The following ACOX3 variants were observed in gnomAD, a reference collection of about 807,000 sequenced individuals.
The protein encoded by ACOX3 is peroxisomal acyl-coenzyme A oxidase 3.
ACOX3 carries 73 observed loss-of-function variants against 81.5 expected under a neutral mutation model. The observed-to-expected ratio is 0.90, with a 90% confidence interval of 0.74 to 1.09. ACOX3 has a LOEUF of 1.09. Among genes scored for constraint, ACOX3 ranks in the 50% least tolerant of loss-of-function variants. ACOX3 has a pLI of 0.00. For missense variants in ACOX3, 947 were observed against 928.0 expected (o/e 1.02, Z -0.27); for synonymous variants, 387 against 375.1 (o/e 1.03, Z -0.37).
rs754651480 is a variant in ACOX3, at chr4:8,375,021, G to A, written c.1785C>T (p.Tyr595=). 23 of 1,554,370 alleles carry A rather than the reference G, an allele frequency of 1.5e-5. No homozygotes were observed. The Admixed American group carries it at 3.5e-4, about 24-fold the overall frequency. ...CGTGGCGGCTCAGGGACCACAGGGC[G>A]TACAGAGCACTGAGCCGCCCCAGCA... The part of the protein sequence containing the change: ...RAVLGRLSAL[Y]ALWSLSRHAA... Residue 595 remains tyrosine, a synonymous_variant, in exon 15 of 18, where the codon TAC becomes TAT. Coordinates refer to ENST00000356406, the MANE Select transcript of ACOX3 (RefSeq NM_003501.3).
At chr4:8,397,758 G>A (rs1245557716) in intron 8 of ACOX3, among the ~76,000 whole-genome samples, 1 of 152,208 alleles carries the variant, frequency 6.6e-6, no homozygotes, top group African/African-American at 2.4e-5. Context: ...CTGCCCCATC[G>A]GGCCACTCCT....
At chr4:8,427,546 G>C (rs1341519424) in intron 1 of ACOX3, among the ~76,000 whole-genome samples, 2 of 152,214 alleles carry the variant, frequency 1.3e-5, no homozygotes, top group Non-Finnish European at 2.9e-5. Flanking sequence ...TTCCCGCACA[G>C]CTAAGTGCCT....
chr4:8,371,454 C>T (rs993951566), intron 16 of ACOX3, among the ~76,000 whole-genome samples: 1 of 152,216 alleles, frequency 6.6e-6, no homozygotes, highest in African/African-American at 2.4e-5. Flanking sequence ...TTATTACTCT[C>T]CCATTCCACT....
intron 1 of ACOX3, chr4:8,439,274 C>T (rs1001437472): frequency 6.6e-6 from 1 of 152,152 alleles, no homozygotes; most frequent in Non-Finnish European, 1.5e-5. Context: ...AACCCAGACC[C>T]GTCCAGCCCA....
chr4:8,417,465 A>G (rs538648155), intron 1 of ACOX3, among the ~76,000 whole-genome samples: 7 of 152,146 alleles, frequency 4.6e-5, no homozygotes, highest in Admixed American at 2.0e-4. Context: ...TCACCCTCCA[A>G]CAGCTGTGAG....
At chr4:8,363,387 A>C (rs1166246755), downstream of ACOX3, among the ~76,000 whole-genome samples, 1 of 152,178 alleles carries the variant, frequency 6.6e-6, no homozygotes, top group Non-Finnish European at 1.5e-5. Flanking sequence ...TTTTGTGAGA[A>C]CTCAAGAGTT....
At chr4:8,383,965 T>C (rs1193538602) in intron 13 of ACOX3, among the ~76,000 whole-genome samples, 1 of 152,216 alleles carries the variant, frequency 6.6e-6, no homozygotes, top group Non-Finnish European at 1.5e-5. Flanking sequence ...AAATTCCTTC[T>C]GACCACACCA....
chr4:8,378,261 T>G (rs544592829), intron 14 of ACOX3, among the ~76,000 whole-genome samples: 4 of 152,354 alleles, frequency 2.6e-5, no homozygotes, highest in Non-Finnish European at 5.9e-5. Context: ...CTGTGACAGC[T>G]GGCCCGGGTG....
rs760762357 is a variant in ACOX3, at chr4:8,440,672, T to C, written c.-39A>G. On this transcript the variant is annotated 5_prime_UTR_variant, in exon 1 of 18. Coordinates refer to ENST00000356406, the MANE Select transcript of ACOX3 (RefSeq NM_003501.3). ...CCCACACACTCCACAGTTCAACCCCTGCCAGGGAAACCAAAAGCAGGAAAG... is the reference window on the plus strand; with the variant it reads ...CCCACACACTCCACAGTTCAACCCCCGCCAGGGAAACCAAAAGCAGGAAAG... The C allele has an allele frequency of 1.3e-5, 13 of 1,019,106 alleles. No homozygotes were observed. The highest frequency in any genetic ancestry group is 1.7e-5 in the Non-Finnish European group (13 of 743,130). The allele number at this position is 1,019,106 out of a possible 1,614,324, so 63.1% of individuals were successfully genotyped here.
intron 13 of ACOX3, among the ~76,000 whole-genome samples, chr4:8,388,517 C>T (rs190088879): frequency 2.0e-5 from 3 of 152,364 alleles, no homozygotes; most frequent in Non-Finnish European, 2.9e-5. Flanking sequence ...CACGGCCAGG[C>T]GCCTCATTCC....
rs1717825889 is a variant in ACOX3 at position 8,382,721 on chromosome 4, A to C, written c.1538-1114T>G. On this transcript the variant is annotated intron_variant, in intron 13 of 17. Transcript: ENST00000356406. This position sits in a 1 kb window ranked among gnomAD's most constrained non-coding sequence, Gnocchi z 4.1. ...GAAAATACCCAACGTTGCTGGGCGC[A>C]GTGGCTCACACCTGTAATCCCAGCA... Among the ~76,000 whole-genome samples, 1 of 152,112 alleles carries C rather than the reference A, an allele frequency of 6.6e-6. No homozygotes were observed. Among genetic ancestry groups the C allele is most frequent in the Non-Finnish European group, 1.5e-5 (1 of 68,004 alleles).
chr4:8,361,458 G>A (rs1487434764), downstream of ACOX3, among the ~76,000 whole-genome samples: 23 of 82,586 alleles, frequency 2.8e-4, no homozygotes, highest in South Asian at 6.8e-4. Context: ...AAAAAAAAAA[G>A]GATTGTTTTA....
Position 8,384,878 on chromosome 4 carries a change from G to C in ACOX3, c.1538-3271C>G, listed in dbSNP as rs1428180344. ...CCGCTCTGGTGCTCCTGAATGGCCGGTGCTCCCCAAAAGCACAACGCACGG... is the reference window on the plus strand; with the variant it reads ...CCGCTCTGGTGCTCCTGAATGGCCGCTGCTCCCCAAAAGCACAACGCACGG... On this transcript the variant is annotated intron_variant, in intron 13 of 17. Coordinates refer to ENST00000356406, the MANE Select transcript of ACOX3 (RefSeq NM_003501.3). This position sits in a 1 kb window ranked among gnomAD's most constrained non-coding sequence, Gnocchi z 5.3. Among the ~76,000 whole-genome samples, 1 of 152,198 alleles carries C rather than the reference G, an allele frequency of 6.6e-6. No individual in the cohort carries two copies. Among genetic ancestry groups the C allele is most frequent in the Non-Finnish European group, 1.5e-5 (1 of 68,024 alleles).
At chr4:8,358,811 TATC>T in the ACOX3 span, among the ~76,000 whole-genome samples, 1 of 152,214 alleles carries the variant, frequency 6.6e-6, no homozygotes, top group Non-Finnish European at 1.5e-5. Flanking sequence ...CTGATTAGCA[TATC>T]ATCAAGAAAT....
At chr4:8,365,371 A>T (rs931014485), downstream of ACOX3, among the ~76,000 whole-genome samples, 1 of 152,236 alleles carries the variant, frequency 6.6e-6, no homozygotes, top group Non-Finnish European at 1.5e-5. Context: ...GTTTGTTTAA[A>T]CCCAAGGAAG....
At chr4:8,388,651 A>T (rs916534991) in intron 13 of ACOX3, among the ~76,000 whole-genome samples, 9 of 152,148 alleles carry the variant, frequency 5.9e-5, no homozygotes, top group Middle Eastern at 6.8e-3. Flanking sequence ...CCCTGGGAGG[A>T]CGCCCCACCC....
rs1718284090 is a variant in ACOX3 at position 8,386,308 on chromosome 4, T to C, written c.1537+2865A>G. Among the ~76,000 whole-genome samples, 1 of 152,162 alleles carries C rather than the reference T, an allele frequency of 6.6e-6. No individual in the cohort carries two copies. The highest frequency in any genetic ancestry group is 1.5e-5 in the Non-Finnish European group (1 of 68,026). On this transcript the variant is annotated intron_variant, in intron 13 of 17. Coordinates refer to ENST00000356406, the MANE Select transcript of ACOX3 (RefSeq NM_003501.3). This position sits in a 1 kb window ranked among gnomAD's most constrained non-coding sequence, Gnocchi z 5.2. ...GCGGCCGGGCGTGGTGGCTCATGCCTGTGATCCCAGCACTTCGGGAGGCCA... is the reference window on the plus strand; with the variant it reads ...GCGGCCGGGCGTGGTGGCTCATGCCCGTGATCCCAGCACTTCGGGAGGCCA...
At position 8,433,105 on chromosome 4, in the gene ACOX3, G is replaced by T. The variant is rs138463421; in HGVS notation, c.-15+7543C>A. The stretch of plus-strand genomic sequence containing the variant: ...GGGTCAGATCCTTGACCTAAGCCTG[G>T]ATATCTCCAGCTTTCTCCCTGCTCC... On this transcript the variant is annotated intron_variant, in intron 1 of 17. Coordinates refer to ENST00000356406, the MANE Select transcript of ACOX3 (RefSeq NM_003501.3). 3.4e-4 allele frequency among the ~76,000 whole-genome samples: 52 copies of T among 152,334 alleles called. 1 individual carries two copies. Among genetic ancestry groups the T allele is most frequent in the African/African-American group, 1.1e-3 (47 of 41,566 alleles).
intron 13 of ACOX3, among the ~76,000 whole-genome samples, chr4:8,387,759 C>G (rs931600291): frequency 6.6e-6 from 1 of 152,178 alleles, no homozygotes; most frequent in African/African-American, 2.4e-5. Context: ...CCGAGCTTTG[C>G]GGTCCCACAG....
Sources: gnomAD v4.1 joint callset for allele counts (sites outside exome capture counted in the v4.1 genomes callset) on GRCh38, gnomAD v4.1.1 for gene constraint, Gnocchi (gnomAD v3.1) non-coding constraint, MANE v1.5 for transcripts, NCBI Gene and HGNC (gene_info 2026-07-23, HGNC 2026-07-21) for gene names.